GFI1B: variants seen among roughly 807,000 people sequenced by gnomAD.
GFI1B encodes the protein zinc finger protein Gfi-1b.
GFI1B carries 20 observed loss-of-function variants against 35.3 expected under a neutral mutation model. The ratio of observed to expected loss-of-function variants is 0.57; its 90% CI spans 0.40 to 0.82. GFI1B has a LOEUF of 0.82. GFI1B is among the 40% of genes least tolerant of loss of function. GFI1B has a pLI of 0.00. For missense variants in GFI1B, 430 were observed against 446.3 expected, an observed-to-expected ratio of 0.96 and a Z score of 0.33; for synonymous variants, 178 against 177.6, an observed-to-expected ratio of 1.00 and a Z score of -0.02.
At chr9:132,986,542 T>TG (rs1275198316) in intron 1 of GFI1B, 117 bp from the exon 2 acceptor site, 1 of 698,236 alleles carries the variant, frequency 1.4e-6, no homozygotes, top group Admixed American at 2.0e-5. Flanking sequence ...ACATGAACTT[T>TG]GGGGGCCACT....
At chr9:132,970,683 C>T (rs780480664) in intron 1 of GFI1B, among the ~76,000 whole-genome samples, 11 of 152,100 alleles carry the variant, frequency 7.2e-5, no homozygotes, top group Non-Finnish European at 1.5e-4. Flanking sequence ...TAATTTCCTG[C>T]GGCAAAATGC....
At chr9:132,978,644 A>T (rs752124475), upstream of GFI1B, 1 of 152,186 alleles carries the variant, frequency 6.6e-6, no homozygotes, top group East Asian at 1.9e-4. Flanking sequence ...CCAGATTTTG[A>T]CACAAATAAT....
At chr9:132,973,347 C>T (rs751787441) in intron 2 of GFI1B, among the ~76,000 whole-genome samples, 8 of 152,228 alleles carry the variant, frequency 5.3e-5, no homozygotes, top group African/African-American at 1.4e-4. Context: ...ATAGAGGGCC[C>T]GTGGCCCGGC....
Position 132,986,750 on chromosome 9 carries a change from A to G in GFI1B, c.72A>G (p.Glu24=), listed in dbSNP as rs763200851. The G allele has an allele frequency of 3.7e-6, 6 of 1,612,312 alleles. No individual in the cohort carries two copies. Among genetic ancestry groups the G allele is most frequent in the Non-Finnish European group, 3.4e-6 (4 of 1,179,200 alleles). The stretch of plus-strand genomic sequence containing the variant: ...ACCAGCCCCGTGTGCAGGAAGATGA[A>G]CCGCTCTGGCCTCCTGCCCTTACCC... The part of the protein sequence containing the change: ...TYHQPRVQED[E]PLWPPALTPV... Residue 24 remains glutamate, a synonymous_variant, in exon 2 of 7, where the codon GAA becomes GAG. Coordinates refer to ENST00000372122, the MANE Select transcript of GFI1B (RefSeq NM_001377304.1).
intron 2 of GFI1B, 92 bp downstream of exon 2, chr9:132,986,870 C>A: frequency 1.3e-6 from 1 of 771,944 alleles, no homozygotes. Context: ...CCTGCAGCAG[C>A]CTCTTCTTCC....
In GFI1B at chr9:132,989,049, C is replaced by G. The variant is rs60757417; in HGVS notation, c.511-12C>G. On this transcript the variant is annotated splice_polypyrimidine_tract_variant and intron_variant, in intron 4 of 6. Transcript: ENST00000372122. The surrounding 1 kb of genome is among the most constrained non-coding windows in gnomAD (Gnocchi z 6.2). ...AGCCCCCAGTGGCCTCACATGCTGC[C>G]CCTGCTCCCAGGTCTTCTCCACCCC... The G allele has an allele frequency of 0.063, 102,280 of 1,613,098 alleles. 4,201 individuals are homozygous for G. Among genetic ancestry groups the G allele is most frequent in the South Asian group, 0.17 (15,361 of 91,032 alleles).
chr9:132,962,520 C>A, intron 1 of GFI1B: 1 of 514,192 alleles, frequency 1.9e-6, no homozygotes, highest in South Asian at 1.5e-5. Flanking sequence ...CATGTCTTCT[C>A]ACAAGACTTT....
intron 1 of GFI1B, among the ~76,000 whole-genome samples, chr9:132,981,390 G>A (rs879673972): frequency 2.0e-5 from 3 of 152,172 alleles, no homozygotes; most frequent in Admixed American, 1.3e-4. Flanking sequence ...AGCTTTGGAG[G>A]AGACATTTGA....
At chr9:132,958,364 T>C (rs918756985) in intron 1 of GFI1B, among the ~76,000 whole-genome samples, 2 of 152,084 alleles carry the variant, frequency 1.3e-5, no homozygotes, top group African/African-American at 4.8e-5. Context: ...GTTCTGCAGG[T>C]TGTACAAGAA....
At chr9:132,947,834 A>C (rs1022231340) in intron 1 of GFI1B, among the ~76,000 whole-genome samples, 3 of 149,378 alleles carry the variant, frequency 2.0e-5, no homozygotes, top group African/African-American at 4.9e-5. Flanking sequence ...AAAAAAACTA[A>C]ACTAAAGTGA....
chr9:132,948,905 C>T (rs1456170730), intron 1 of GFI1B, among the ~76,000 whole-genome samples: 1 of 152,246 alleles, frequency 6.6e-6, no homozygotes, highest in Non-Finnish European at 1.5e-5. Flanking sequence ...AGCATGTCCT[C>T]TCCCTCCTCT....
intron 1 of GFI1B, among the ~76,000 whole-genome samples, chr9:132,954,089 G>C (rs564912382): frequency 5.9e-5 from 9 of 152,042 alleles, no homozygotes; most frequent in African/African-American, 2.2e-4. Context: ...TATTATTTTT[G>C]CTGTAAAGAA....
chr9:132,979,367 G>A (rs969282153), intron 1 of GFI1B, among the ~76,000 whole-genome samples: 3 of 148,488 alleles, frequency 2.0e-5, no homozygotes, highest in Non-Finnish European at 4.4e-5. Context: ...AGCCTCCCAA[G>A]TAGCTGGGAT....
chr9:132,984,602 CGG>C (rs1848964579), intron 1 of GFI1B, among the ~76,000 whole-genome samples: 2 of 152,186 alleles, frequency 1.3e-5, no homozygotes, highest in South Asian at 4.1e-4. Context: ...TGCTGGGATG[CGG>C]GGGAGCACAT....
At chr9:132,949,268 T>C (rs867008635) in intron 1 of GFI1B, among the ~76,000 whole-genome samples, 1 of 137,586 alleles carries the variant, frequency 7.3e-6, no homozygotes, top group Non-Finnish European at 1.6e-5. Flanking sequence ...AACCCACAGA[T>C]ACACACACAC....
chr9:132,966,220 G>T (rs1848448360), intron 1 of GFI1B, among the ~76,000 whole-genome samples: 1 of 152,116 alleles, frequency 6.6e-6, no homozygotes, highest in African/African-American at 2.4e-5. Flanking sequence ...TTGGTCAGGT[G>T]TGGTGGCGCG....
chr9:132,988,819 A>G (rs112115846), intron 4 of GFI1B, among the ~76,000 whole-genome samples: 236 of 152,238 alleles, frequency 1.6e-3, no homozygotes, highest in African/African-American at 5.1e-3. Context: ...TAGATGAGGC[A>G]AGGAGGGGCC....
At position 132,990,948 on chromosome 9, in the gene GFI1B, G is replaced by A. The variant is rs1564181414; in HGVS notation, c.891G>A (p.Lys297=). 1 of 1,614,210 alleles carries A rather than the reference G, an allele frequency of 6.2e-7. No individual in the cohort carries two copies. The highest frequency in any genetic ancestry group is 8.5e-7 in the Non-Finnish European group (1 of 1,180,008). Residue 297 remains lysine, a synonymous_variant, in exon 7 of 7, where the codon AAG becomes AAA. Transcript: ENST00000372122. ...QSSNLITHSR[K]HTGFKPFSCE... ...CCAACCTCATCACCCACAGCCGCAA[G>A]CACACAGGCTTCAAGCCCTTCAGCT...
chr9:132,951,184 T>C (rs1848195931), intron 1 of GFI1B: 1 of 152,134 alleles, frequency 6.6e-6, no homozygotes, highest in Non-Finnish European at 1.5e-5. Context: ...AAAAAATAAA[T>C]TTATGTTTTA....
Sources: allele counts gnomAD v4.1 joint callset (sites outside exome capture counted in the v4.1 genomes callset), GRCh38; gene constraint gnomAD v4.1.1; non-coding constraint Gnocchi (gnomAD v3.1); transcripts MANE v1.5; gene names NCBI Gene and HGNC (gene_info 2026-07-23, HGNC 2026-07-21).